Variants in STT3B observed in about 807,000 individuals in gnomAD.
STT3B encodes STT3 oligosaccharyltransferase complex catalytic subunit B, also known as dolichyl-diphosphooligosaccharide--protein glycosyltransferase subunit STT3B.
In STT3B, 29 loss-of-function variants were observed where a neutral mutation model predicts 96.8. The observed-to-expected ratio is 0.30, with a 90% CI of 0.22 to 0.41. STT3B has a LOEUF of 0.41. STT3B is among the 10% of genes least tolerant of loss of function. The probability of loss-of-function intolerance (pLI) is 1.00; values close to 1 mark genes in which losing one functional copy is unlikely to be tolerated. For synonymous variants in STT3B, 367 were observed against 360.0 expected, an observed-to-expected ratio of 1.02 and a Z score of -0.22; for missense variants, 640 against 1,022.3, an observed-to-expected ratio of 0.63 and a Z score of 5.10.
At chr3:31,612,531 A>G (rs937045748) in intron 5 of STT3B, among the ~76,000 whole-genome samples, 1 of 152,190 alleles carries the variant, frequency 6.6e-6, no homozygotes, top group Non-Finnish European at 1.5e-5. Flanking sequence ...ACCAAATAAT[A>G]CAAATTAAAG....
chr3:31,607,755 TGTTGTG>T (rs924632312), intron 5 of STT3B, among the ~76,000 whole-genome samples: 6 of 149,648 alleles, frequency 4.0e-5, no homozygotes, highest in South Asian at 2.1e-4. Flanking sequence ...TTTGGGGGGT[TGTTGTG>T]GTTGTTGTTG....
At chr3:31,533,987 T>C (rs935422145) in intron 1 of STT3B, among the ~76,000 whole-genome samples, 4 of 151,960 alleles carry the variant, frequency 2.6e-5, no homozygotes, top group African/African-American at 4.8e-5. Flanking sequence ...GCTACTCTTA[T>C]TTATTTATCA....
chr3:31,627,824 T>C (rs1436358656), intron 13 of STT3B, among the ~76,000 whole-genome samples: 1 of 152,232 alleles, frequency 6.6e-6, no homozygotes, highest in Non-Finnish European at 1.5e-5. Context: ...AAATGTATGC[T>C]TTGAACATTA....
At chr3:31,561,900 T>A (rs958005296) in intron 1 of STT3B, among the ~76,000 whole-genome samples, 2 of 152,020 alleles carry the variant, frequency 1.3e-5, no homozygotes, top group Non-Finnish European at 2.9e-5. Flanking sequence ...TTTTTTTCTG[T>A]AAACAGCATT....
intron 4 of STT3B, among the ~76,000 whole-genome samples, chr3:31,597,550 G>A (rs1015199285): frequency 1.3e-5 from 2 of 151,714 alleles, no homozygotes; most frequent in Admixed American, 6.6e-5. Context: ...TTGAATTCCT[G>A]GGCTTAAGTG....
chr3:31,543,689 A>G (rs1697336143), intron 1 of STT3B, among the ~76,000 whole-genome samples: 1 of 152,254 alleles, frequency 6.6e-6, no homozygotes, highest in Non-Finnish European at 1.5e-5. Flanking sequence ...GGAAGAGTTG[A>G]TGAAGAAAAG....
At chr3:31,582,386 C>G (rs1430828321) in intron 3 of STT3B, among the ~76,000 whole-genome samples, 1 of 150,830 alleles carries the variant, frequency 6.6e-6, no homozygotes, top group Non-Finnish European at 1.5e-5. Context: ...ACCTCTGCCT[C>G]CCAGGTTCAA....
chr3:31,618,320 ATT>A (rs1699354485), intron 8 of STT3B, among the ~76,000 whole-genome samples: 1 of 151,922 alleles, frequency 6.6e-6, no homozygotes, highest in Admixed American at 6.6e-5. Flanking sequence ...ATAATTTTTT[ATT>A]CTTAAGAATT....
In STT3B at chr3:31,626,073, C is replaced by T. The variant is rs779079737; in HGVS notation, c.2019C>T (p.Asn673=). 2 of 1,613,732 alleles carry T rather than the reference C, an allele frequency of 1.2e-6. No homozygotes were observed. The highest frequency in any genetic ancestry group is 1.3e-5 in the African/African-American group (1 of 74,996). Residue 673 remains asparagine, a synonymous_variant, in exon 13 of 16, where the codon AAC becomes AAT. Transcript: ENST00000295770. ...GVIGYSGDDI[N]KFLWMVRIAE... ...TTGGCTATTCTGGTGATGATATCAACAAATTTCTCTGGATGGTTAGGATAG... is the reference window on the plus strand; with the variant it reads ...TTGGCTATTCTGGTGATGATATCAATAAATTTCTCTGGATGGTTAGGATAG...
intron 1 of STT3B, among the ~76,000 whole-genome samples, chr3:31,553,026 C>T (rs529481591): frequency 2.6e-4 from 39 of 147,580 alleles, no homozygotes; most frequent in East Asian, 8.2e-4. Flanking sequence ...GGCGTGAACC[C>T]GGGAGGCGGA....
chr3:31,560,673 T>C (rs1697856444), intron 1 of STT3B, among the ~76,000 whole-genome samples: 1 of 152,124 alleles, frequency 6.6e-6, no homozygotes, highest in South Asian at 2.1e-4. Flanking sequence ...TCTTGCTGTT[T>C]GTGGAATTCT....
chr3:31,636,113 G>A lies in STT3B; in HGVS notation c.*49G>A, dbSNP rs371245631. 6.4e-6 allele frequency: 9 copies of A among 1,410,386 alleles called. No individual in the cohort carries two copies. Among genetic ancestry groups the A allele is most frequent in the East Asian group, 2.4e-5 (1 of 41,614 alleles). The allele number at this position is 1,410,386 out of a possible 1,614,324, so 87.4% of individuals were successfully genotyped here. A position where few individuals can be genotyped will look rare whatever the true frequency, so the allele number is the denominator to read the frequency against. ...TGAAGCAGTTGTCCTTGTGAGAACC[G>A]GTCTTTGCCTTTAGCTCATGTCGTG... On this transcript the variant is annotated 3_prime_UTR_variant, in exon 16 of 16. Transcript: ENST00000295770.
intron 1 of STT3B, among the ~76,000 whole-genome samples, chr3:31,573,218 A>G (rs1698198037): frequency 1.3e-5 from 2 of 152,172 alleles, no homozygotes; most frequent in South Asian, 4.1e-4. Context: ...GGTTTTGACC[A>G]TTATGTTAAG....
chr3:31,625,108 G>A (rs750107884), intron 12 of STT3B, 23 bp downstream of exon 12: 4 of 1,595,738 alleles, frequency 2.5e-6, no homozygotes, highest in African/African-American at 1.3e-5. Context: ...TAAATACAAG[G>A]TTAAAAAATC....
chr3:31,573,877 C>CTACCTA (rs1286494236), intron 1 of STT3B, among the ~76,000 whole-genome samples: 1 of 151,846 alleles, frequency 6.6e-6, no homozygotes, highest in African/African-American at 2.4e-5. Context: ...GTAGAGGAGG[C>CTACCTA]TACCTATACA....
intron 1 of STT3B, among the ~76,000 whole-genome samples, chr3:31,546,078 A>T (rs990655292): frequency 6.6e-6 from 1 of 152,198 alleles, no homozygotes; most frequent in South Asian, 2.1e-4. Context: ...GAAACATGCT[A>T]CTATGAACAT....
chr3:31,624,262 C>A (rs1699487540), intron 11 of STT3B, among the ~76,000 whole-genome samples: 1 of 152,194 alleles, frequency 6.6e-6, no homozygotes, highest in Non-Finnish European at 1.5e-5. Context: ...GCCTTGTGCT[C>A]CTGTGAAGCT....
chr3:31,546,337 G>T (rs758047657), intron 1 of STT3B, among the ~76,000 whole-genome samples: 73 of 152,182 alleles, frequency 4.8e-4, no homozygotes, highest in Non-Finnish European at 9.0e-4. Context: ...GCTGGGACTA[G>T]AATGTTTGGG....
At chr3:31,575,115 C>G (rs1575421785) in intron 1 of STT3B, among the ~76,000 whole-genome samples, 1 of 152,050 alleles carries the variant, frequency 6.6e-6, no homozygotes, top group South Asian at 2.1e-4. Flanking sequence ...TATAGCTACA[C>G]TAGTACTATC....
Sources: gnomAD v4.1 joint callset for allele counts (sites outside exome capture counted in the v4.1 genomes callset) on GRCh38, gnomAD v4.1.1 for gene constraint, MANE v1.5 for transcripts, NCBI Gene and HGNC (gene_info 2026-07-23, HGNC 2026-07-21) for gene names.